Variants in BANP observed in about 807,000 individuals in gnomAD.
BANP encodes protein BANP.
BANP carries 11 observed loss-of-function variants against 68.1 expected under a neutral mutation model. That is an observed-to-expected ratio of 0.16 (90% CI 0.10 to 0.27). The LOEUF is 0.27. Ranked by LOEUF, BANP falls within the 10% of genes least tolerant of loss-of-function variation. The pLI is 1.00. For missense variants in BANP, 504 were observed against 722.7 expected (o/e 0.70, Z 3.47); for synonymous variants, 329 against 303.2 (o/e 1.09, Z -0.88).
chr16:88,033,525 C>G (rs1014602626), intron 9 of BANP, among the ~76,000 whole-genome samples: 1 of 152,206 alleles, frequency 6.6e-6, no homozygotes, highest in African/African-American at 2.4e-5. Flanking sequence ...GGCGGGCAGT[C>G]AGCTCCAAGG....
At chr16:88,029,262 A>G (rs186662630) in intron 8 of BANP, among the ~76,000 whole-genome samples, 1 of 137,542 alleles carries the variant, frequency 7.3e-6, no homozygotes, top group Non-Finnish European at 1.5e-5. Flanking sequence ...AGCTGAGACT[A>G]TGCCACCACA....
intron 1 of BANP, among the ~76,000 whole-genome samples, chr16:87,969,343 C>G (rs138659953): frequency 0.011 from 1,620 of 152,124 alleles, 29 homozygotes; most frequent in African/African-American, 0.036. Flanking sequence ...GGGCTGTGGC[C>G]ATTTAGCATT....
In BANP at chr16:88,069,657, T is replaced by A. The variant is rs1044372149; in HGVS notation, c.1378-2412T>A. Among the ~76,000 whole-genome samples, 9 of 152,278 alleles carry A rather than the reference T, an allele frequency of 5.9e-5. No individual in the cohort carries two copies. In the East Asian group the frequency reaches 1.7e-3, roughly 29 times the overall value. ...ACCCCACCCAGGTCTCAGTTCCTCA[T>A]CTGTAAATGGCACCTGCACCCCAGG... On this transcript the variant is annotated intron_variant, in intron 12 of 13. Transcript: ENST00000682872.
At chr16:87,967,027 A>G (rs899086698) in intron 1 of BANP, among the ~76,000 whole-genome samples, 1 of 152,164 alleles carries the variant, frequency 6.6e-6, no homozygotes, top group African/African-American at 2.4e-5. Flanking sequence ...AGAAGGGACA[A>G]GGCCAGAGGC....
chr16:87,992,404 A>T (rs1329060092), intron 4 of BANP, among the ~76,000 whole-genome samples: 4 of 152,182 alleles, frequency 2.6e-5, no homozygotes, highest in African/African-American at 9.7e-5. Context: ...TATTTTCTGA[A>T]AATGTTTCTG....
rs1373294894 is a variant in BANP, at chr16:88,006,200, G to T, written c.590G>T (p.Ser197Ile). ...SGSEASDSVS[S>I]CGQAGSQSIG... is the part of the protein sequence containing the mutation. ...TCGGAGGCCAGCGACTCTGTGTCCAGCTGTGGGCAGGCGGGCAGTCAGAGC... is the reference window on the plus strand; with the variant it reads ...TCGGAGGCCAGCGACTCTGTGTCCATCTGTGGGCAGGCGGGCAGTCAGAGC... Residue 197 changes from serine (S) to isoleucine (I), a missense_variant, in exon 6 of 14, where the codon AGC becomes ATC. By Grantham distance (142) the Ser-to-Ile change is moderately radical. Around this residue, in one of 3 missense-constraint regions of BANP, gnomAD observed 238 missense variants for 278.9 expected, o/e 0.85. Coordinates refer to ENST00000682872, the MANE Select transcript of BANP (RefSeq NM_001386991.1). 1.2e-6 allele frequency: 2 copies of T among 1,613,582 alleles called. No homozygotes were observed. The highest frequency in any genetic ancestry group is 1.7e-5 in the Admixed American group (1 of 60,006).
rs188185683 is a variant in BANP at position 87,978,603 on chromosome 16, C to T, written c.71-2433C>T. 1,039 of 470,062 alleles carry T rather than the reference C, an allele frequency of 2.2e-3. 16 individuals carry two copies. Among genetic ancestry groups the T allele is most frequent in the South Asian group, 0.012 (768 of 64,494 alleles). 29.1% of individuals were successfully genotyped at this position (470,062 alleles called of 1,614,324 possible). On this transcript the variant is annotated intron_variant, in intron 2 of 13. Transcript: ENST00000682872. ...TGGAGATGGTTGATGCGCTCCCTGC[C>T]TGTGAGGAGTCATGAGGCCGAAGGC...
At chr16:88,007,247 G>C (rs2071493907) in intron 6 of BANP, among the ~76,000 whole-genome samples, 1 of 152,160 alleles carries the variant, frequency 6.6e-6, no homozygotes, top group African/African-American at 2.4e-5. Context: ...GTGTTTTCAT[G>C]TCTCTTGGAT....
In BANP at chr16:88,002,254, CA is replaced by C. The variant is rs1489581086; in HGVS notation, c.363-2040del. On this transcript the variant is annotated intron_variant, in intron 4 of 13. Coordinates refer to ENST00000682872, the MANE Select transcript of BANP (RefSeq NM_001386991.1). The surrounding 1 kb of genome is among the most constrained non-coding windows in gnomAD (Gnocchi z 4.6). ...TCCTTGGCTTCTTTGAGTTGTGTGC[CA>C]GGGGTCTCAGTGGTCTGTCCTCAGA... Among the ~76,000 whole-genome samples the C allele has an allele frequency of 6.6e-6, 1 of 151,680 alleles. No homozygotes were observed. The highest frequency in any genetic ancestry group is 2.4e-5 in the African/African-American group (1 of 41,276).
At position 88,003,395 on chromosome 16, in the gene BANP, T is replaced by C. The variant is rs930453676; in HGVS notation, c.363-900T>C. 6.6e-6 allele frequency: 3 copies of C among 454,818 alleles called. No homozygotes were observed. Among genetic ancestry groups the C allele is most frequent in the Middle Eastern group, 3.2e-4 (1 of 3,090 alleles). 28.2% of individuals were successfully genotyped at this position (454,818 alleles called of 1,614,324 possible). ...CAGAAAGGCAGGCTTCCCAGGTTGG[T>C]TTTTGGAGAGTGAAATCCAAGAATG... On this transcript the variant is annotated intron_variant, in intron 4 of 13. Coordinates refer to ENST00000682872, the MANE Select transcript of BANP (RefSeq NM_001386991.1). This position sits in a 1 kb window ranked among gnomAD's most constrained non-coding sequence, Gnocchi z 6.1.
rs1287316340 is a variant in BANP, at chr16:88,065,253, C to T, written c.1312-14C>T. On this transcript the variant is annotated splice_polypyrimidine_tract_variant and intron_variant, in intron 11 of 13. Transcript: ENST00000682872. ...GAGGCTCCAGGGGAAAATTCGTTTT[C>T]TTGCCTTTTCCAGCTTCTAGAGGCC... 2 of 742,800 alleles carry T rather than the reference C, an allele frequency of 2.7e-6. No individual in the cohort carries two copies. Among genetic ancestry groups the T allele is most frequent in the Admixed American group, 3.6e-5 (2 of 55,624 alleles). The allele number at this position is 742,800 out of a possible 1,614,324, so 46.0% of individuals were successfully genotyped here.
chr16:88,046,915 A>G (rs2082147285), intron 11 of BANP, among the ~76,000 whole-genome samples: 1 of 151,848 alleles, frequency 6.6e-6, no homozygotes, highest in South Asian at 2.1e-4. Flanking sequence ...AAATACAAAA[A>G]ATTAGCCGGA....
chr16:88,045,833 C>T (rs1290023760), intron 11 of BANP, among the ~76,000 whole-genome samples: 1 of 151,966 alleles, frequency 6.6e-6, no homozygotes, highest in Non-Finnish European at 1.5e-5. Flanking sequence ...TCAGGGCGGC[C>T]GCTCCCTCAG....
At chr16:88,068,437 G>A (rs1488485921) in intron 12 of BANP, among the ~76,000 whole-genome samples, 1 of 152,242 alleles carries the variant, frequency 6.6e-6, no homozygotes, top group Non-Finnish European at 1.5e-5. Flanking sequence ...GGTGGGAATA[G>A]TTGAGAAACG....
intron 6 of BANP, among the ~76,000 whole-genome samples, chr16:88,014,383 G>A (rs2073990313): frequency 6.6e-6 from 1 of 151,914 alleles, no homozygotes; most frequent in African/African-American, 2.4e-5. Flanking sequence ...GACGGAGGTG[G>A]TGGGTGGCAG....
At chr16:88,011,844 C>T (rs1353309196) in intron 6 of BANP, among the ~76,000 whole-genome samples, 1 of 152,160 alleles carries the variant, frequency 6.6e-6, no homozygotes, top group African/African-American at 2.4e-5. Context: ...CTTTCTGCTC[C>T]CCTTTTCCCA....
chr16:87,973,302 C>G (rs769336904), intron 1 of BANP, among the ~76,000 whole-genome samples: 7 of 151,738 alleles, frequency 4.6e-5, no homozygotes, highest in African/African-American at 1.7e-4. Context: ...TTCCTCAGTT[C>G]ATCTAATCTT....
At chr16:88,047,006 C>T (rs568560451) in intron 11 of BANP, among the ~76,000 whole-genome samples, 52 of 151,890 alleles carry the variant, frequency 3.4e-4, no homozygotes, top group African/African-American at 1.2e-3. Flanking sequence ...GTGGAGCTTG[C>T]AGTGAGCCAA....
intron 1 of BANP, among the ~76,000 whole-genome samples, chr16:87,953,989 C>G (rs556543704): frequency 1.3e-5 from 2 of 152,250 alleles, no homozygotes; most frequent in South Asian, 2.1e-4. Context: ...ATGTTTTACC[C>G]TTGTGTGTGC....
Sources: allele counts gnomAD v4.1 joint callset (sites outside exome capture counted in the v4.1 genomes callset), GRCh38; gene constraint gnomAD v4.1.1; regional missense constraint gnomAD v4.1.1; non-coding constraint Gnocchi (gnomAD v3.1); transcripts MANE v1.5; gene names NCBI Gene and HGNC (gene_info 2026-07-23, HGNC 2026-07-21).